Variants in PTPRM observed in about 807,000 individuals in gnomAD.
PTPRM encodes the protein receptor-type tyrosine-protein phosphatase mu.
Under a neutral mutation model 186.7 loss-of-function variants are expected in PTPRM, and 47 were observed. That is an observed-to-expected ratio of 0.25 (90% CI 0.20 to 0.32). PTPRM has a LOEUF of 0.32. PTPRM is among the 10% of genes least tolerant of loss of function. The pLI is 1.00. For missense variants in PTPRM, 1,494 were observed against 1,865.0 expected, an observed-to-expected ratio of 0.80 and a Z score of 3.66; for synonymous variants, 668 against 674.9, an observed-to-expected ratio of 0.99 and a Z score of 0.16.
intron 1 of PTPRM, among the ~76,000 whole-genome samples, chr18:7,747,067 C>T (rs1483039844): frequency 1.3e-5 from 2 of 152,124 alleles, no homozygotes; most frequent in Non-Finnish European, 2.9e-5. Flanking sequence ...TTGTTTGTGG[C>T]CATGATTTTT....
At chr18:8,201,434 A>G (rs919184883) in intron 14 of PTPRM, among the ~76,000 whole-genome samples, 11 of 152,240 alleles carry the variant, frequency 7.2e-5, no homozygotes, top group Non-Finnish European at 1.6e-4. Flanking sequence ...GCTCATTAGT[A>G]CTTGTGTCCT....
intron 1 of PTPRM, among the ~76,000 whole-genome samples, chr18:7,767,551 T>C (rs2042072304): frequency 6.6e-6 from 1 of 152,184 alleles, no homozygotes; most frequent in South Asian, 2.1e-4. Context: ...AGCTTATGAC[T>C]TAATGATTTC....
At chr18:7,605,736 C>T (rs2037515879) in intron 1 of PTPRM, among the ~76,000 whole-genome samples, 1 of 152,164 alleles carries the variant, frequency 6.6e-6, no homozygotes, top group Non-Finnish European at 1.5e-5. Context: ...GAGGTTCAGG[C>T]CCTCATTCTG....
At chr18:8,073,325 T>G (rs549108944) in intron 8 of PTPRM, among the ~76,000 whole-genome samples, 8 of 152,348 alleles carry the variant, frequency 5.3e-5, no homozygotes, top group African/African-American at 1.9e-4. Flanking sequence ...CTCATCTTAG[T>G]TATCTTGATG....
chr18:7,618,389 A>C (rs2037857126), intron 1 of PTPRM, among the ~76,000 whole-genome samples: 1 of 152,194 alleles, frequency 6.6e-6, no homozygotes, highest in Non-Finnish European at 1.5e-5. Context: ...TACATTTTAA[A>C]AGAGTATTTG....
chr18:7,734,206 A>T (rs1039291202), intron 1 of PTPRM, among the ~76,000 whole-genome samples: 3 of 152,214 alleles, frequency 2.0e-5, no homozygotes, highest in Non-Finnish European at 4.4e-5. Context: ...ACCACAAAGG[A>T]CGACAGAGAT....
chr18:7,964,640 G>C (rs528438325), intron 7 of PTPRM, among the ~76,000 whole-genome samples: 1 of 152,302 alleles, frequency 6.6e-6, no homozygotes, highest in South Asian at 2.1e-4. Flanking sequence ...TACCACAAGG[G>C]AAACACACTC....
intron 6 of PTPRM, among the ~76,000 whole-genome samples, chr18:7,953,254 TG>T (rs2053095150): frequency 6.6e-6 from 1 of 152,202 alleles, no homozygotes; most frequent in South Asian, 2.1e-4. Context: ...CATGACCCTT[TG>T]TGACTTTGCC....
Position 7,581,331 on chromosome 18 carries a change from G to C in PTPRM, c.73+13440G>C, listed in dbSNP as rs143342232. ...GAAAGAGAAATTCTCTTCCCTCATG[G>C]TACAACTCACTCCTGTGATTGGGCT... On this transcript the variant is annotated intron_variant, in intron 1 of 32. Transcript: ENST00000580170. Among the ~76,000 whole-genome samples, 99 of 152,094 alleles carry C rather than the reference G, an allele frequency of 6.5e-4. 2 individuals carry two copies. In the East Asian group the frequency reaches 0.015, roughly 23 times the overall value.
At chr18:7,918,096 G>T (rs1419848735) in intron 4 of PTPRM, among the ~76,000 whole-genome samples, 1 of 151,808 alleles carries the variant, frequency 6.6e-6, no homozygotes, top group Admixed American at 6.6e-5. Context: ...GTGTGTGTGT[G>T]TGTGTGTGTA....
At chr18:8,138,257 A>C (rs999537052) in intron 13 of PTPRM, among the ~76,000 whole-genome samples, 6 of 151,252 alleles carry the variant, frequency 4.0e-5, no homozygotes, top group Admixed American at 1.3e-4. Context: ...GGAGGAGTGA[A>C]GAGACGGCCC....
intron 7 of PTPRM, among the ~76,000 whole-genome samples, chr18:8,013,672 C>T (rs988498535): frequency 7.2e-5 from 11 of 152,040 alleles, no homozygotes; most frequent in Admixed American, 5.2e-4. Flanking sequence ...TGCACAGCCT[C>T]CTGGGGTACA....
intron 1 of PTPRM, among the ~76,000 whole-genome samples, chr18:7,711,600 C>T (rs969034893): frequency 6.6e-6 from 1 of 152,328 alleles, no homozygotes; most frequent in East Asian, 1.9e-4. Flanking sequence ...TTCTTGCTGC[C>T]AGGAGAGCAG....
At chr18:8,108,404 T>C (rs748287479) in intron 11 of PTPRM, among the ~76,000 whole-genome samples, 32 of 152,138 alleles carry the variant, frequency 2.1e-4, no homozygotes, top group Non-Finnish European at 3.7e-4. Context: ...CCTTCTATTA[T>C]CCAATTGGTA....
At position 7,839,010 on chromosome 18, in the gene PTPRM, G is replaced by T. The variant is rs557539976; in HGVS notation, c.197-49096G>T. ...CCAGAGCTCCCTTCTGGCCCAAAGG[G>T]CTCCTAAGTCAGCCTGTGGTGAATG... On this transcript the variant is annotated intron_variant, in intron 2 of 32. Transcript: ENST00000580170. 3.9e-5 allele frequency among the ~76,000 whole-genome samples: 6 copies of T among 152,274 alleles called. No homozygotes were observed. The East Asian group carries it at 1.2e-3, about 30-fold the overall frequency.
intron 14 of PTPRM, among the ~76,000 whole-genome samples, chr18:8,169,881 T>C (rs935297767): frequency 6.6e-6 from 1 of 152,214 alleles, no homozygotes; most frequent in African/African-American, 2.4e-5. Flanking sequence ...TGATTTAGTA[T>C]GCAAGTATTC....
intron 7 of PTPRM, among the ~76,000 whole-genome samples, chr18:7,984,654 G>T (rs1262697397): frequency 8.7e-6 from 1 of 114,516 alleles, no homozygotes; most frequent in Non-Finnish European, 1.8e-5. Flanking sequence ...TATATGTGGG[G>T]TAAATATATA....
chr18:8,386,217 G>A (rs541491777), intron 30 of PTPRM, among the ~76,000 whole-genome samples: 1 of 152,228 alleles, frequency 6.6e-6, no homozygotes, highest in South Asian at 2.1e-4. Context: ...TCAAGAGAGA[G>A]GGCTGAACCA....
chr18:7,786,795 T>G (rs950559728), intron 2 of PTPRM, among the ~76,000 whole-genome samples: 1 of 152,216 alleles, frequency 6.6e-6, no homozygotes, highest in African/African-American at 2.4e-5. Context: ...TGCCAGTAGG[T>G]CAACCACTGA....
Sources: gnomAD v4.1 joint callset for allele counts (sites outside exome capture counted in the v4.1 genomes callset) on GRCh38, gnomAD v4.1.1 for gene constraint, MANE v1.5 for transcripts, NCBI Gene and HGNC (gene_info 2026-07-23, HGNC 2026-07-21) for gene names.